ERC2: variants seen among roughly 807,000 people sequenced by gnomAD.
ERC2 encodes the protein ELKS/RAB6-interacting/CAST family member 2, also known as ERC protein 2.
A neutral mutation model predicts 114.8 loss-of-function variants in ERC2; 42 were observed. The observed-to-expected ratio is 0.37, with a 90% CI of 0.29 to 0.47. The LOEUF (loss-of-function observed/expected upper bound fraction) is 0.47. ERC2 is among the 20% of genes least tolerant of loss of function. The pLI is 0.99. For missense variants in ERC2, 939 were observed against 1,150.7 expected (o/e 0.82, Z 2.66); for synonymous variants, 454 against 425.5 (o/e 1.07, Z -0.82).
At chr3:56,361,212 G>A (rs115893287) in intron 2 of ERC2, among the ~76,000 whole-genome samples, 1,823 of 152,144 alleles carry the variant, frequency 0.012, 33 homozygotes, top group African/African-American at 0.041. Context: ...GCACCAGGAC[G>A]GATTAAAGAA....
At chr3:55,635,400 T>C (rs2059919536) in intron 17 of ERC2, among the ~76,000 whole-genome samples, 1 of 150,216 alleles carries the variant, frequency 6.7e-6, no homozygotes, top group East Asian at 2.0e-4. Flanking sequence ...TTTTCTTTCT[T>C]TTTTTTTTGT....
intron 14 of ERC2, among the ~76,000 whole-genome samples, chr3:55,878,758 C>A (rs17056081): frequency 0.096 from 14,620 of 152,176 alleles, 815 homozygotes; most frequent in South Asian, 0.15. Context: ...TTAATCCCAT[C>A]CCCCAAAGTC....
chr3:55,527,904 G>A (rs571539766), intron 17 of ERC2, among the ~76,000 whole-genome samples: 36 of 152,230 alleles, frequency 2.4e-4, no homozygotes, highest in Admixed American at 9.2e-4. Context: ...ATCCTAGGAG[G>A]AGGCAATAGG....
chr3:56,453,115 C>A (rs2062898052), intron 1 of ERC2, among the ~76,000 whole-genome samples: 1 of 152,192 alleles, frequency 6.6e-6, no homozygotes, highest in Admixed American at 6.5e-5. Flanking sequence ...AACATATTCA[C>A]CATCCCCCTA....
At chr3:56,018,657 A>C (rs2073480641) in intron 8 of ERC2, among the ~76,000 whole-genome samples, 2 of 152,160 alleles carry the variant, frequency 1.3e-5, no homozygotes, top group African/African-American at 4.8e-5. Flanking sequence ...AAGCTAGTGA[A>C]GGTTTTTAAG....
rs189535542 is a variant in ERC2 at position 56,434,378 on chromosome 3, C to T, written c.630G>A (p.Gln210=). The part of the protein sequence containing the change: ...EAARMSVLKE[Q]MRVSHEENQH... ...GATTTTCTTCATGGGAAACCCTCAT[C>T]TGCTCCTTGAGGACAGACATCCGCG... The change falls in exon 2 of 18, where the codon CAG becomes CAA. Residue 210 remains glutamine (Q), a synonymous_variant. Coordinates refer to ENST00000288221, the MANE Select transcript of ERC2 (RefSeq NM_015576.3). 30 of 1,613,690 alleles carry T rather than the reference C, an allele frequency of 1.9e-5. No homozygotes were observed. In the African/African-American group the frequency reaches 3.5e-4, roughly 19 times the overall value.
intron 17 of ERC2, among the ~76,000 whole-genome samples, chr3:55,557,303 C>T (rs749694489): frequency 9.2e-5 from 14 of 152,116 alleles, no homozygotes; most frequent in East Asian, 5.8e-4. Context: ...TGGCAGACAT[C>T]GTGTTGACAG....
At chr3:56,418,806 C>T (rs1314223361) in intron 2 of ERC2, among the ~76,000 whole-genome samples, 1 of 152,188 alleles carries the variant, frequency 6.6e-6, no homozygotes, top group East Asian at 1.9e-4. Flanking sequence ...CCTTCCCCAA[C>T]TCCCCCATCC....
chr3:55,585,734 G>A (rs909151104), intron 17 of ERC2, among the ~76,000 whole-genome samples: 7 of 152,174 alleles, frequency 4.6e-5, no homozygotes, highest in Non-Finnish European at 1.0e-4. Flanking sequence ...GGCTCCGTGG[G>A]TTTGAGGATT....
chr3:55,930,337 T>C (rs2066001259), intron 13 of ERC2, among the ~76,000 whole-genome samples: 1 of 152,172 alleles, frequency 6.6e-6, no homozygotes, highest in African/African-American at 2.4e-5. Context: ...AAGGCAGAGA[T>C]TACCACAGAA....
chr3:56,214,168 G>C (rs2049282481), intron 3 of ERC2, among the ~76,000 whole-genome samples: 3 of 152,224 alleles, frequency 2.0e-5, no homozygotes, highest in African/African-American at 7.2e-5. Context: ...GTTGAGAGAA[G>C]AAGGCTTCAG....
At chr3:55,594,097 T>C (rs2058027958) in intron 17 of ERC2, among the ~76,000 whole-genome samples, 1 of 152,208 alleles carries the variant, frequency 6.6e-6, no homozygotes, top group African/African-American at 2.4e-5. Flanking sequence ...ACTCAGATTT[T>C]TCCCCACCCT....
chr3:56,126,807 G>GAAGGGAAGGA (rs2079894134), intron 6 of ERC2, among the ~76,000 whole-genome samples: 5 of 107,460 alleles, frequency 4.7e-5, no homozygotes, highest in African/African-American at 2.2e-4. Context: ...AAAGGAAAGG[G>GAAGGGAAGGA]AAGGAAAGGA....
intron 6 of ERC2, among the ~76,000 whole-genome samples, chr3:56,111,152 A>G (rs1404454986): frequency 6.6e-6 from 1 of 152,152 alleles, no homozygotes; most frequent in Non-Finnish European, 1.5e-5. Flanking sequence ...GCTGTGTTCT[A>G]TGAACTCAAA....
At chr3:55,849,283 G>A (rs1048806724) in intron 14 of ERC2, among the ~76,000 whole-genome samples, 1 of 152,080 alleles carries the variant, frequency 6.6e-6, no homozygotes, top group Admixed American at 6.5e-5. Context: ...GGACTGATCT[G>A]GACATGTAGG....
chr3:56,069,247 C>A (rs372445076), intron 7 of ERC2, among the ~76,000 whole-genome samples: 18 of 152,254 alleles, frequency 1.2e-4, no homozygotes, highest in Non-Finnish European at 2.6e-4. Context: ...CTTTAGTGGA[C>A]CAGCAGCATT....
intron 7 of ERC2, among the ~76,000 whole-genome samples, chr3:56,063,703 A>T (rs1182764899): frequency 6.6e-6 from 1 of 152,218 alleles, no homozygotes; most frequent in Non-Finnish European, 1.5e-5. Flanking sequence ...TCATGCCCTT[A>T]ATAAACTAAT....
intron 2 of ERC2, among the ~76,000 whole-genome samples, chr3:56,323,969 T>C (rs1306070652): frequency 3.3e-5 from 5 of 152,210 alleles, no homozygotes; most frequent in African/African-American, 2.4e-5. Context: ...CTTCCTCTTA[T>C]TTCCATGGAA....
At chr3:55,967,570 CT>C (rs552320246) in intron 12 of ERC2, among the ~76,000 whole-genome samples, 2 of 152,180 alleles carry the variant, frequency 1.3e-5, no homozygotes, top group Non-Finnish European at 2.9e-5. Flanking sequence ...CCTTTCTCAG[CT>C]GAAGAAACTG....
Sources: gnomAD v4.1 joint callset for allele counts (sites outside exome capture counted in the v4.1 genomes callset) on GRCh38, gnomAD v4.1.1 for gene constraint, MANE v1.5 for transcripts, NCBI Gene and HGNC (gene_info 2026-07-23, HGNC 2026-07-21) for gene names.